The following FHIT variants were observed in gnomAD, a reference collection of about 807,000 sequenced individuals.
The protein encoded by FHIT is fragile histidine triad diadenosine triphosphatase.
FHIT carries 19 observed loss-of-function variants against 17.9 expected under a neutral mutation model. The ratio of observed to expected loss-of-function variants is 1.06; its 90% CI spans 0.74 to 1.56. The LOEUF (loss-of-function observed/expected upper bound fraction) is 1.56. Ranked by LOEUF, FHIT falls within the 40% of genes most tolerant of loss-of-function variation. The pLI, the probability that FHIT is intolerant of heterozygous loss-of-function variation, is 0.00. For missense variants in FHIT, 248 were observed against 189.2 expected, an observed-to-expected ratio of 1.31 and a Z score of -1.82; for synonymous variants, 81 against 69.7, an observed-to-expected ratio of 1.16 and a Z score of -0.81.
At chr3:60,833,989 T>C (rs145652951) in intron 3 of FHIT, among the ~76,000 whole-genome samples, 21 of 152,332 alleles carry the variant, frequency 1.4e-4, no homozygotes, top group African/African-American at 5.0e-4. Flanking sequence ...CTGAGTAGTA[T>C]TCGATGGTAT....
At chr3:60,327,039 T>C (rs112097969) in intron 5 of FHIT, among the ~76,000 whole-genome samples, 102 of 152,152 alleles carry the variant, frequency 6.7e-4, no homozygotes, top group South Asian at 4.1e-4. Context: ...GGTCTCCTCC[T>C]CATGGAGGTC....
intron 5 of FHIT, among the ~76,000 whole-genome samples, chr3:60,276,537 G>GT (rs1369156073): frequency 1.3e-5 from 2 of 152,180 alleles, no homozygotes; most frequent in African/African-American, 4.8e-5. Context: ...AATAGTGTTT[G>GT]TGTCACGAGC....
chr3:60,280,344 T>G (rs954681143), intron 5 of FHIT, among the ~76,000 whole-genome samples: 3 of 152,182 alleles, frequency 2.0e-5, no homozygotes, highest in Non-Finnish European at 2.9e-5. Flanking sequence ...CTCCCAAAGA[T>G]ATCAGGTCTT....
chr3:60,328,144 G>A (rs944733150), intron 5 of FHIT, among the ~76,000 whole-genome samples: 1 of 146,900 alleles, frequency 6.8e-6, no homozygotes, highest in Non-Finnish European at 1.5e-5. Context: ...AACTGTAAGG[G>A]AGCACAGGCA....
intron 4 of FHIT, among the ~76,000 whole-genome samples, chr3:60,562,801 T>C (rs771367766): frequency 1.3e-5 from 2 of 152,186 alleles, no homozygotes; most frequent in Non-Finnish European, 1.5e-5. Flanking sequence ...CCTAAAGTCA[T>C]GTCCACCAAG....
At chr3:60,453,243 A>G (rs1194150664) in intron 5 of FHIT, among the ~76,000 whole-genome samples, 2 of 152,036 alleles carry the variant, frequency 1.3e-5, no homozygotes, top group African/African-American at 4.8e-5. Flanking sequence ...TCCACACCTG[A>G]ATGCTTCTAA....
chr3:60,683,133 A>C (rs1360133767), intron 4 of FHIT, among the ~76,000 whole-genome samples: 2 of 152,228 alleles, frequency 1.3e-5, no homozygotes, highest in Non-Finnish European at 2.9e-5. Context: ...GGATTTCTTG[A>C]GGTAAAATCT....
intron 5 of FHIT, among the ~76,000 whole-genome samples, chr3:60,533,577 T>C (rs1236202522): frequency 3.3e-5 from 5 of 152,152 alleles, no homozygotes; most frequent in Admixed American, 2.6e-4. Flanking sequence ...GAAGTGAGTG[T>C]CACAAACAGA....
intron 5 of FHIT, among the ~76,000 whole-genome samples, chr3:60,487,263 G>T (rs1354259647): frequency 6.6e-6 from 1 of 152,172 alleles, no homozygotes; most frequent in Non-Finnish European, 1.5e-5. Context: ...AGAGCCTCGT[G>T]AAGGAAAGCA....
chr3:59,750,929 T>TTATTTGTGTCTGATCTACTTC (rs946457450), intron 9 of FHIT: 3 of 191,668 alleles, frequency 1.6e-5, no homozygotes, highest in Non-Finnish European at 3.3e-5. Context: ...ATTTTGTTTT[T>TTATTTGTGTCTGATCTACTTC]TATTTGTGTC....
intron 5 of FHIT, among the ~76,000 whole-genome samples, chr3:60,464,322 A>G (rs2032660209): frequency 6.6e-6 from 1 of 152,176 alleles, no homozygotes; most frequent in African/African-American, 2.4e-5. Flanking sequence ...CGTAGGGTAA[A>G]TGGGATATAC....
intron 5 of FHIT, among the ~76,000 whole-genome samples, chr3:60,440,382 T>C (rs945105809): frequency 5.9e-5 from 9 of 152,088 alleles, no homozygotes; most frequent in Non-Finnish European, 1.3e-4. Context: ...ATTTACACAG[T>C]GCCATTCTAA....
chr3:60,620,789 A>G (rs1176478856), intron 4 of FHIT, among the ~76,000 whole-genome samples: 1 of 152,128 alleles, frequency 6.6e-6, no homozygotes, highest in African/African-American at 2.4e-5. Context: ...GAACCATAAC[A>G]TAACCTACAG....
chr3:59,940,490 C>T (rs913767551), intron 7 of FHIT, among the ~76,000 whole-genome samples: 3 of 151,990 alleles, frequency 2.0e-5, no homozygotes, highest in Admixed American at 1.3e-4. Flanking sequence ...ATGAAGAAAC[C>T]CTGGAGCTTC....
chr3:60,219,132 C>A (rs1703839846), intron 5 of FHIT, among the ~76,000 whole-genome samples: 1 of 152,046 alleles, frequency 6.6e-6, no homozygotes, highest in Admixed American at 6.6e-5. Flanking sequence ...TCATTTTGTT[C>A]ACAAATTATC....
intron 5 of FHIT, among the ~76,000 whole-genome samples, chr3:60,336,712 A>G (rs943194132): frequency 3.9e-5 from 6 of 152,190 alleles, no homozygotes; most frequent in African/African-American, 1.4e-4. Flanking sequence ...AACAGTGGAG[A>G]ACATTTCCAG....
At chr3:61,136,156 C>G (rs2036909089) in intron 2 of FHIT, among the ~76,000 whole-genome samples, 1 of 152,044 alleles carries the variant, frequency 6.6e-6, no homozygotes. Flanking sequence ...ATCCCATATC[C>G]CCAGACACTT....
intron 5 of FHIT, among the ~76,000 whole-genome samples, chr3:60,168,346 T>G (rs1389265139): frequency 1.3e-5 from 2 of 152,194 alleles, no homozygotes; most frequent in Non-Finnish European, 2.9e-5. Context: ...CATTGTCTAT[T>G]AACAGCGTCC....
At chr3:60,567,351 G>A (rs185573547) in intron 4 of FHIT, among the ~76,000 whole-genome samples, 181 of 152,186 alleles carry the variant, frequency 1.2e-3, no homozygotes, top group Non-Finnish European at 2.0e-3. Context: ...CAAAAGAAAC[G>A]GGGAAAGGAT....
Sources: allele counts gnomAD v4.1 joint callset (sites outside exome capture counted in the v4.1 genomes callset), GRCh38; gene constraint gnomAD v4.1.1; transcripts MANE v1.5; gene names NCBI Gene and HGNC (gene_info 2026-07-23, HGNC 2026-07-21).